The following WWOX variants were observed in gnomAD, a reference collection of about 807,000 sequenced individuals.
WWOX encodes WW domain containing oxidoreductase.
In WWOX, 69 loss-of-function variants were observed where a neutral mutation model predicts 46.2. The observed-to-expected ratio is 1.49, with a 90% CI of 1.23 to 1.82. WWOX has a LOEUF of 1.82. Among genes scored for constraint, WWOX ranks in the 40% most tolerant of loss-of-function variants. The probability of loss-of-function intolerance (pLI) is 0.00; values close to 1 mark genes in which losing one functional copy is unlikely to be tolerated. For missense variants in WWOX, 919 were observed against 542.6 expected, an observed-to-expected ratio of 1.69 and a Z score of -6.89; for synonymous variants, 359 against 202.6, an observed-to-expected ratio of 1.77 and a Z score of -6.56.
intron 8 of WWOX, among the ~76,000 whole-genome samples, chr16:78,715,454 C>T (rs1442562172): frequency 6.6e-6 from 1 of 151,920 alleles, no homozygotes; most frequent in Non-Finnish European, 1.5e-5. Flanking sequence ...CTGGGTCTGA[C>T]TCCACCCCAC....
intron 8 of WWOX, chr16:79,205,854 C>T (rs2051491969): frequency 6.6e-6 from 1 of 152,144 alleles, no homozygotes; most frequent in Non-Finnish European, 1.5e-5. Flanking sequence ...CCTGATGAAA[C>T]ACTCCAGAGC....
At chr16:78,607,953 G>A (rs1440617820) in intron 8 of WWOX, among the ~76,000 whole-genome samples, 2 of 152,088 alleles carry the variant, frequency 1.3e-5, no homozygotes, top group Admixed American at 6.6e-5. Flanking sequence ...AAAGAAAATC[G>A]CAAAGTTAAA....
rs146975638 is a variant in WWOX at position 78,667,056 on chromosome 16, C to T, written c.1056+234304C>T. 1.4e-4 allele frequency among the ~76,000 whole-genome samples: 21 copies of T among 152,296 alleles called. No homozygotes were observed. In the East Asian group the frequency reaches 3.3e-3, roughly 24 times the overall value. On this transcript the variant is annotated intron_variant, in intron 8 of 8. Coordinates refer to ENST00000566780, the MANE Select transcript of WWOX (RefSeq NM_016373.4). ...AATTAAAAGTCTCTTACATAATGGT[C>T]AGAGGAGTTTTGAGTATCGGATCTT...
intron 8 of WWOX, among the ~76,000 whole-genome samples, chr16:78,570,808 C>T (rs2044697926): frequency 6.6e-6 from 1 of 152,016 alleles, no homozygotes; most frequent in Non-Finnish European, 1.5e-5. Context: ...AAACATGGCA[C>T]TGGGCTGGAA....
intron 8 of WWOX, among the ~76,000 whole-genome samples, chr16:78,564,676 C>G (rs1184536981): frequency 6.6e-6 from 1 of 152,036 alleles, no homozygotes; most frequent in East Asian, 1.9e-4. Context: ...CTCGGGAGCT[C>G]AAAAATAAAT....
intron 8 of WWOX, among the ~76,000 whole-genome samples, chr16:78,516,974 A>G (rs546399608): frequency 2.0e-5 from 3 of 152,098 alleles, no homozygotes; most frequent in Admixed American, 6.5e-5. Flanking sequence ...CCGAGAAATC[A>G]TTTTTCCTCC....
At position 79,047,669 on chromosome 16, in the gene WWOX, C is replaced by G. The variant is rs950188542; in HGVS notation, c.1057-163939C>G. The stretch of plus-strand genomic sequence containing the variant: ...TGGGTGACTTTCTCCTGAGACTGTC[C>G]TGATTTTTTTTTTTTTTTTTTTTTT... On this transcript the variant is annotated intron_variant, in intron 8 of 8. Coordinates refer to ENST00000566780, the MANE Select transcript of WWOX (RefSeq NM_016373.4). Among the ~76,000 whole-genome samples the G allele has an allele frequency of 7.0e-5, 9 of 127,824 alleles. No homozygotes were observed. The South Asian group carries it at 2.5e-3, about 35-fold the overall frequency. 83.9% of individuals were successfully genotyped at this position (127,824 alleles called of 152,430 possible).
intron 8 of WWOX, among the ~76,000 whole-genome samples, chr16:79,189,260 T>C (rs1413545513): frequency 2.0e-5 from 3 of 152,020 alleles, no homozygotes; most frequent in Non-Finnish European, 2.9e-5. Context: ...CTTTTTTTTT[T>C]CTTTTTGTTT....
At chr16:78,909,371 G>C (rs913902758) in intron 8 of WWOX, among the ~76,000 whole-genome samples, 1 of 152,148 alleles carries the variant, frequency 6.6e-6, no homozygotes, top group African/African-American at 2.4e-5. Flanking sequence ...TGTATTCTCT[G>C]TTCAGCTGTT....
At chr16:79,055,424 C>T (rs949985711) in intron 8 of WWOX, among the ~76,000 whole-genome samples, 1 of 152,096 alleles carries the variant, frequency 6.6e-6, no homozygotes, top group East Asian at 1.9e-4. Context: ...GTGTAAAATG[C>T]CTGACTACCC....
chr16:78,798,753 T>G (rs897355898), intron 8 of WWOX, among the ~76,000 whole-genome samples: 7 of 152,218 alleles, frequency 4.6e-5, no homozygotes, highest in Non-Finnish European at 8.8e-5. Flanking sequence ...ATGTTGTGTG[T>G]AATTTTTCTA....
intron 5 of WWOX, among the ~76,000 whole-genome samples, chr16:78,219,926 G>A (rs1036977449): frequency 4.6e-5 from 7 of 151,910 alleles, no homozygotes; most frequent in African/African-American, 1.7e-4. Flanking sequence ...GTTTTAAATG[G>A]GCAAAATGTA....
At chr16:78,449,815 C>T (rs767453608) in intron 8 of WWOX, among the ~76,000 whole-genome samples, 5 of 151,998 alleles carry the variant, frequency 3.3e-5, no homozygotes, top group Admixed American at 2.0e-4. Flanking sequence ...CCTTGTTAAT[C>T]GATGGCCCAA....
At chr16:79,075,940 T>C (rs560551253) in intron 8 of WWOX, among the ~76,000 whole-genome samples, 2 of 152,372 alleles carry the variant, frequency 1.3e-5, no homozygotes, top group African/African-American at 4.8e-5. Context: ...TAACATCTGC[T>C]CTAACGTTGG....
At chr16:78,936,380 C>T (rs1264942216) in intron 8 of WWOX, among the ~76,000 whole-genome samples, 2 of 152,098 alleles carry the variant, frequency 1.3e-5, no homozygotes, top group Non-Finnish European at 2.9e-5. Flanking sequence ...CCAAAACTAA[C>T]CCAAGCTTTG....
intron 8 of WWOX, among the ~76,000 whole-genome samples, chr16:79,190,541 C>T (rs542047268): frequency 6.6e-6 from 1 of 152,264 alleles, no homozygotes; most frequent in Non-Finnish European, 1.5e-5. Context: ...ATTCACTTCA[C>T]GTTTCCAACT....
chr16:78,497,305 A>G (rs2084941305), intron 8 of WWOX, among the ~76,000 whole-genome samples: 1 of 152,244 alleles, frequency 6.6e-6, no homozygotes. Context: ...CACACCATAT[A>G]GAAAAATCAA....
chr16:78,703,264 C>T (rs1225434374), intron 8 of WWOX, among the ~76,000 whole-genome samples: 1 of 152,144 alleles, frequency 6.6e-6, no homozygotes. Context: ...AGCCCATCTA[C>T]CTTGTTTCTC....
At chr16:78,928,049 T>C (rs1233086819) in intron 8 of WWOX, among the ~76,000 whole-genome samples, 1 of 152,058 alleles carries the variant, frequency 6.6e-6, no homozygotes, top group African/African-American at 2.4e-5. Context: ...AAAAAAAATA[T>C]CATACTCTCA....
Sources: allele counts gnomAD v4.1 joint callset (sites outside exome capture counted in the v4.1 genomes callset), GRCh38; gene constraint gnomAD v4.1.1; transcripts MANE v1.5; gene names NCBI Gene and HGNC (gene_info 2026-07-23, HGNC 2026-07-21).